CNTN2: variants seen among roughly 807,000 people sequenced by gnomAD.
CNTN2 encodes the protein contactin-2.
Under a neutral mutation model 117.5 loss-of-function variants are expected in CNTN2, and 53 were observed. The observed-to-expected ratio is 0.45, with a 90% confidence interval of 0.36 to 0.57. The LOEUF is 0.57. Among genes scored for constraint, CNTN2 ranks in the 20% least tolerant of loss-of-function variants. The pLI is 0.00. For missense variants in CNTN2, 1,106 were observed against 1,404.3 expected, an observed-to-expected ratio of 0.79 and a Z score of 3.39; for synonymous variants, 530 against 561.7, an observed-to-expected ratio of 0.94 and a Z score of 0.80.
In CNTN2 at chr1:205,053,171, G is replaced by A; in HGVS notation, c.-15G>A. 6.2e-7 allele frequency: 1 copy of A among 1,610,358 alleles called. No homozygotes were observed. The highest frequency in any genetic ancestry group is 8.5e-7 in the Non-Finnish European group (1 of 1,178,350). Reference sequence around the variant, plus strand: ...CTCTTCTCCTCCGATCCCCACCTCTGCCCGGACATCCACCATGGGGACAGC... The same window carrying A: ...CTCTTCTCCTCCGATCCCCACCTCTACCCGGACATCCACCATGGGGACAGC... On this transcript the variant is annotated 5_prime_UTR_variant, in exon 2 of 23. Coordinates refer to ENST00000331830, the MANE Select transcript of CNTN2 (RefSeq NM_005076.5).
In CNTN2 at chr1:205,072,150, G is replaced by A; in HGVS notation, c.2731+17G>A. The A allele has an allele frequency of 1.3e-6, 2 of 1,595,262 alleles. No individual in the cohort carries two copies. The highest frequency in any genetic ancestry group is 1.7e-6 in the Non-Finnish European group (2 of 1,173,262). The stretch of plus-strand genomic sequence containing the variant: ...TGAAGCCCCGTGAGTCTGTCTGCCT[G>A]GGGTGGGGGTAGGGCAATATTTTGG... On this transcript the variant is annotated intron_variant, in intron 20 of 22. Transcript: ENST00000331830.
At chr1:205,044,484 G>A (rs1280292817) in intron 1 of CNTN2, among the ~76,000 whole-genome samples, 1 of 151,884 alleles carries the variant, frequency 6.6e-6, no homozygotes, top group Non-Finnish European at 1.5e-5. Context: ...GTGAGGCCAG[G>A]AGGGAGTGGG....
At position 205,061,591 on chromosome 1, in the gene CNTN2, G is replaced by A; in HGVS notation, c.973+171G>A. ...TGGGACCAGAGGAGGCTAGTGCTGT[G>A]GTCACCTCAGAGCTTCAGTCAGGGG... On this transcript the variant is annotated intron_variant, in intron 8 of 22. Coordinates refer to ENST00000331830, the MANE Select transcript of CNTN2 (RefSeq NM_005076.5). The surrounding 1 kb of genome is among the most constrained non-coding windows in gnomAD (Gnocchi z 4.8). 1.2e-6 allele frequency: 1 copy of A among 852,190 alleles called. No homozygotes were observed. 52.8% of individuals were successfully genotyped at this position (852,190 alleles called of 1,614,324 possible).
chr1:205,057,009 A>G (rs1653665189), intron 2 of CNTN2, among the ~76,000 whole-genome samples: 1 of 152,190 alleles, frequency 6.6e-6, no homozygotes, highest in South Asian at 2.1e-4. Flanking sequence ...CTGGAATTGT[A>G]TAAAACTGCC....
At chr1:205,071,874 G>A in intron 19 of CNTN2, 73 bp from the exon 20 acceptor site, 2 of 1,420,726 alleles carry the variant, frequency 1.4e-6, no homozygotes, top group Non-Finnish European at 1.9e-6. Flanking sequence ...GAGAGGAACA[G>A]AATGTGGGGG....
chr1:205,048,215 C>T lies in CNTN2; in HGVS notation c.-87+4821C>T, dbSNP rs1387713014. On this transcript the variant is annotated intron_variant, in intron 1 of 22. Transcript: ENST00000331830. The surrounding 1 kb of genome is among the most constrained non-coding windows in gnomAD (Gnocchi z 4.1). Reference sequence around the variant, plus strand: ...CTCCATTACTGGGGAGAAGGGGAGACAGATTCAGGGCCAGGAGCTGGGCAT... The same window carrying T: ...CTCCATTACTGGGGAGAAGGGGAGATAGATTCAGGGCCAGGAGCTGGGCAT... 6.6e-6 allele frequency among the ~76,000 whole-genome samples: 1 copy of T among 152,184 alleles called. No homozygotes were observed. The highest frequency in any genetic ancestry group is 2.4e-5 in the African/African-American group (1 of 41,448).
At chr1:205,046,850 G>C (rs527518553) in intron 1 of CNTN2, among the ~76,000 whole-genome samples, 1 of 152,130 alleles carries the variant, frequency 6.6e-6, no homozygotes, top group African/African-American at 2.4e-5. Context: ...CTAAGGTCTG[G>C]GGGTGGCTGG....
At chr1:205,072,396 C>A in intron 20 of CNTN2, 87 bp from the exon 21 acceptor site, 1 of 1,151,794 alleles carries the variant, frequency 8.7e-7, no homozygotes, top group Non-Finnish European at 1.3e-6. Context: ...TAGAGGCAAA[C>A]ATCCAGAGAA....
rs768626752 is a variant in CNTN2 at position 205,069,455 on chromosome 1, T to C, written c.2126-36T>C. ...GGGCTTTCATTTTTTCCTTGCTCAT[T>C]AACAAGCCATATCGGTGTCCCTTGG... On this transcript the variant is annotated intron_variant, in intron 16 of 22. Coordinates refer to ENST00000331830, the MANE Select transcript of CNTN2 (RefSeq NM_005076.5). 7 of 1,607,178 alleles carry C rather than the reference T, an allele frequency of 4.4e-6. No homozygotes were observed. In the Admixed American group the frequency reaches 1.0e-4, roughly 23 times the overall value.
intron 19 of CNTN2, 81 bp from the exon 20 acceptor site, chr1:205,071,866 G>T: frequency 7.4e-7 from 1 of 1,352,288 alleles, no homozygotes; most frequent in Non-Finnish European, 1.0e-6. Context: ...ATGAGCAAGA[G>T]AGGAACAGAA....
chr1:205,056,071 G>A (rs749857249), intron 2 of CNTN2, among the ~76,000 whole-genome samples: 3 of 152,142 alleles, frequency 2.0e-5, no homozygotes, highest in Non-Finnish European at 2.9e-5. Context: ...ATAAGAAAAT[G>A]TGTGTAGGTG....
chr1:205,044,298 G>C (rs2096437392), intron 1 of CNTN2, among the ~76,000 whole-genome samples: 1 of 152,154 alleles, frequency 6.6e-6, no homozygotes, highest in South Asian at 2.1e-4. Flanking sequence ...TGAGTGTCCA[G>C]AGCTGAATCC....
intron 17 of CNTN2, 60 bp from the exon 18 acceptor site, chr1:205,069,767 A>G: frequency 2.6e-6 from 4 of 1,560,070 alleles, no homozygotes; most frequent in Non-Finnish European, 3.5e-6. Context: ...GGGTGGGGCC[A>G]GGGAACGGGC....
At position 205,048,135 on chromosome 1, in the gene CNTN2, C is replaced by T. The variant is rs1243532654; in HGVS notation, c.-87+4741C>T. Among the ~76,000 whole-genome samples, 5 of 152,278 alleles carry T rather than the reference C, an allele frequency of 3.3e-5. No individual in the cohort carries two copies. In the East Asian group the frequency reaches 9.6e-4, roughly 29 times the overall value. ...TCTGCCCACAGCTGGGCTCTGAACT[C>T]CCCTTTGCTACCACCATCCATCGGA... On this transcript the variant is annotated intron_variant, in intron 1 of 22. Transcript: ENST00000331830. The surrounding 1 kb of genome is among the most constrained non-coding windows in gnomAD (Gnocchi z 4.1).
At position 205,048,598 on chromosome 1, in the gene CNTN2, G is replaced by A. The variant is rs1017747576; in HGVS notation, c.-86-4502G>A. The stretch of plus-strand genomic sequence containing the variant: ...GGTTCGCAGGGCCAGCTCTGGGCCT[G>A]GCATAGCTCCACTCCAGCCTTGCTC... On this transcript the variant is annotated intron_variant, in intron 1 of 22. Coordinates refer to ENST00000331830, the MANE Select transcript of CNTN2 (RefSeq NM_005076.5). This position sits in a 1 kb window ranked among gnomAD's most constrained non-coding sequence, Gnocchi z 4.1. Among the ~76,000 whole-genome samples, 4 of 152,156 alleles carry A rather than the reference G, an allele frequency of 2.6e-5. No homozygotes were observed. The highest frequency in any genetic ancestry group is 9.7e-5 in the African/African-American group (4 of 41,430).
rs780555759 is a variant in CNTN2, at chr1:205,058,466, A to G, written c.392-102A>G. The G allele has an allele frequency of 1.3e-6, 2 of 1,544,186 alleles. No homozygotes were observed. Among genetic ancestry groups the G allele is most frequent in the Non-Finnish European group, 1.8e-6 (2 of 1,126,796 alleles). On this transcript the variant is annotated intron_variant, in intron 4 of 22. Coordinates refer to ENST00000331830, the MANE Select transcript of CNTN2 (RefSeq NM_005076.5). This position sits in a 1 kb window ranked among gnomAD's most constrained non-coding sequence, Gnocchi z 4.3. ...TCAAGCCGGGCCTTCCTGACCTCACATGACATGCCTTAGTGAACTGCTGCT... is the reference window on the plus strand; with the variant it reads ...TCAAGCCGGGCCTTCCTGACCTCACGTGACATGCCTTAGTGAACTGCTGCT...
chr1:205,045,080 T>C (rs991803956), intron 1 of CNTN2, among the ~76,000 whole-genome samples: 1 of 152,154 alleles, frequency 6.6e-6, no homozygotes, highest in South Asian at 2.1e-4. Flanking sequence ...AAGGTCCACC[T>C]GCCTCACAGG....
intron 12 of CNTN2, 127 bp downstream of exon 12, chr1:205,064,877 C>T: frequency 7.1e-7 from 1 of 1,408,812 alleles, no homozygotes; most frequent in Non-Finnish European, 9.7e-7. Flanking sequence ...TTCAGTTTTG[C>T]TTGGGACCAC....
At chr1:205,070,311 T>G (rs1352669516) in intron 18 of CNTN2, 115 bp from the exon 19 acceptor site, 7 of 788,094 alleles carry the variant, frequency 8.9e-6, no homozygotes, top group Non-Finnish European at 1.4e-5. Flanking sequence ...CCACTCGGCC[T>G]TCATCCTGAA....
Sources: allele counts gnomAD v4.1 joint callset (sites outside exome capture counted in the v4.1 genomes callset), GRCh38; gene constraint gnomAD v4.1.1; non-coding constraint Gnocchi (gnomAD v3.1); transcripts MANE v1.5; gene names NCBI Gene and HGNC (gene_info 2026-07-23, HGNC 2026-07-21).